CCL26: variants seen among roughly 807,000 people sequenced by gnomAD.
CCL26 encodes the protein C-C motif chemokine 26.
In CCL26, 10 loss-of-function variants were observed where a neutral mutation model predicts 10.7. The observed-to-expected ratio is 0.93, with a 90% CI of 0.57 to 1.58. The LOEUF (loss-of-function observed/expected upper bound fraction) is 1.58. CCL26 is among the 40% of genes most tolerant of loss of function. CCL26 has a pLI of 0.00. For synonymous variants in CCL26, 43 were observed against 41.4 expected (o/e 1.04, Z -0.15); for missense variants, 116 against 111.0 (o/e 1.05, Z -0.20).
Position 75,780,501 on chromosome 7 carries a change from A to G in CCL26, c.-78-8247T>C, listed in dbSNP as rs553159303. On this transcript the variant is annotated intron_variant, in intron 1 of 3. Coordinates refer to the CCL26 transcript ENST00000394905. ...TCTTCTGCAGCACCACTTGACCCCA[A>G]TACAAACTCGACAGTTGTTCCAAAT... 3.9e-5 allele frequency among the ~76,000 whole-genome samples: 6 copies of G among 152,296 alleles called. No homozygotes were observed. In the South Asian group the frequency reaches 1.2e-3, roughly 32 times the overall value.
intron 1 of CCL26, among the ~76,000 whole-genome samples, chr7:75,781,240 T>C (rs1554529421): frequency 6.6e-6 from 1 of 152,224 alleles, no homozygotes; most frequent in African/African-American, 2.4e-5. Flanking sequence ...TTAATTAACC[T>C]TGCCTTCAAG....
At chr7:75,784,430 C>T (rs1415927684) in intron 1 of CCL26, among the ~76,000 whole-genome samples, 1 of 152,226 alleles carries the variant, frequency 6.6e-6, no homozygotes, top group Non-Finnish European at 1.5e-5. Flanking sequence ...TCGGAAGCCT[C>T]CTGGACCATC....
chr7:75,789,140 T>A (rs1803268239), intron 1 of CCL26, among the ~76,000 whole-genome samples: 1 of 146,204 alleles, frequency 6.8e-6, no homozygotes, highest in African/African-American at 2.6e-5. Context: ...CGGGGGGGTC[T>A]CTCTGTGTTG....
upstream of CCL26, among the ~76,000 whole-genome samples, chr7:75,776,211 A>T (rs1802936567): frequency 6.6e-6 from 1 of 151,402 alleles, no homozygotes; most frequent in Admixed American, 6.6e-5. Context: ...AGCTGGGATT[A>T]CAGGCGCACA....
intron 1 of CCL26, among the ~76,000 whole-genome samples, chr7:75,787,335 T>C (rs1554530096): frequency 6.6e-6 from 1 of 152,058 alleles, no homozygotes; most frequent in Non-Finnish European, 1.5e-5. Context: ...TAAAACGGAC[T>C]AATGGTTTTT....
Position 75,771,915 on chromosome 7 carries a change from A to G in CCL26, c.162T>C (p.Ser54=). 6.2e-7 allele frequency: 1 copy of G among 1,613,526 alleles called. No individual in the cohort carries two copies. The highest frequency in any genetic ancestry group is 8.5e-7 in the Non-Finnish European group (1 of 1,179,454). Residue 54 remains serine (S), a synonymous_variant, in exon 2 of 3, where the codon AGT becomes AGC. Transcript: ENST00000005180. ...TCACAGCCCGCTGGGAGCAGCTGTT[A>G]CTGGTGAATTCATAGCTTCGCACCC... is the stretch of plus-strand genomic sequence containing the variant. ...WTWVRSYEFT[S]NSCSQRAVIF...
At chr7:75,788,808 G>A (rs538133367) in intron 1 of CCL26, among the ~76,000 whole-genome samples, 16 of 152,148 alleles carry the variant, frequency 1.1e-4, no homozygotes, top group African/African-American at 3.9e-4. Context: ...CGGTTTCAAG[G>A]GGGCGTTCTG....
At chr7:75,776,662 C>T (rs111431981), upstream of CCL26, among the ~76,000 whole-genome samples, 28 of 151,988 alleles carry the variant, frequency 1.8e-4, no homozygotes, top group African/African-American at 6.0e-4. Flanking sequence ...GAACACTTTA[C>T]GAGAAGGAAA....
intron 1 of CCL26, among the ~76,000 whole-genome samples, chr7:75,789,459 C>CTTTTTTTTTTTTTTTT (rs782166200): frequency 2.9e-5 from 3 of 104,274 alleles, no homozygotes; most frequent in Non-Finnish European, 5.5e-5. Context: ...TTCTCTTTTT[C>CTTTTTTTTTTTTTTTT]TCTTTTTTTT....
rs782547321 is a variant in CCL26, at chr7:75,771,990, T to C, written c.87A>G (p.Ile29Met). 3 of 1,613,662 alleles carry C rather than the reference T, an allele frequency of 1.9e-6. No individual in the cohort carries two copies. The highest frequency in any genetic ancestry group is 1.3e-5 in the African/African-American group (1 of 75,028). ...TGTATTGGAAGCAGCAGGTCTTGGA[T>C]ATGTCACTCCCACCTAAAAATCAGG... ...HLGTATRGSD[I>M]SKTCCFQYSH... is the part of the protein sequence containing the mutation. The change falls in exon 2 of 3, where the codon ATA (isoleucine) becomes ATG (methionine). Residue 29 changes from isoleucine to methionine, a missense_variant. Ile to Met is a conservative substitution (Grantham distance 10). Coordinates refer to ENST00000005180, the MANE Select transcript of CCL26 (RefSeq NM_001371938.1).
chr7:75,776,847 G>A (rs1554528807), upstream of CCL26, among the ~76,000 whole-genome samples: 1 of 152,088 alleles, frequency 6.6e-6, no homozygotes, highest in African/African-American at 2.4e-5. Flanking sequence ...GCTGGGGGTG[G>A]GGTGGAAAAC....
At chr7:75,790,458 C>T (rs1554530688), upstream of CCL26, among the ~76,000 whole-genome samples, 1 of 151,394 alleles carries the variant, frequency 6.6e-6, no homozygotes, top group Non-Finnish European at 1.5e-5. Flanking sequence ...GCTGTGTTGC[C>T]CAGGCTGGTC....
chr7:75,779,265 A>G (rs565946307), intron 1 of CCL26, among the ~76,000 whole-genome samples: 1 of 152,278 alleles, frequency 6.6e-6, no homozygotes, highest in South Asian at 2.1e-4. Context: ...TTTATTGCTC[A>G]CACAAATCCT....
chr7:75,784,892 C>T (rs773872283), intron 1 of CCL26, among the ~76,000 whole-genome samples: 10 of 152,108 alleles, frequency 6.6e-5, no homozygotes, highest in Non-Finnish European at 1.3e-4. Flanking sequence ...CCTAATCACC[C>T]TTACACCGCT....
At chr7:75,789,130 CG>C (rs534707210) in intron 1 of CCL26, among the ~76,000 whole-genome samples, 2 of 124,494 alleles carry the variant, frequency 1.6e-5, no homozygotes, top group East Asian at 2.6e-4. Context: ...ATGTGGCGGG[CG>C]GGGGGGTCTC....
upstream of CCL26, among the ~76,000 whole-genome samples, chr7:75,790,751 C>CT (rs1803313025): frequency 6.6e-6 from 1 of 151,980 alleles, no homozygotes. Flanking sequence ...CAAGACCAAC[C>CT]TGGCCAATGT....
chr7:75,784,351 G>A (rs1803134339), intron 1 of CCL26, among the ~76,000 whole-genome samples: 2 of 152,210 alleles, frequency 1.3e-5, no homozygotes, highest in South Asian at 4.1e-4. Context: ...TCTGGCCCAA[G>A]GCTCTCTGAC....
intron 1 of CCL26, among the ~76,000 whole-genome samples, chr7:75,784,604 C>T (rs1585015270): frequency 6.6e-6 from 1 of 152,116 alleles, no homozygotes; most frequent in Non-Finnish European, 1.5e-5. Flanking sequence ...CTTAAAACTC[C>T]CCAACTCTGG....
At chr7:75,789,406 T>TTC (rs145522312) in intron 1 of CCL26, among the ~76,000 whole-genome samples, 14 of 150,204 alleles carry the variant, frequency 9.3e-5, no homozygotes, top group South Asian at 4.2e-4. Context: ...ATGAGAATAT[T>TTC]TCTCTCTCTC....
Sources: allele counts gnomAD v4.1 joint callset (sites outside exome capture counted in the v4.1 genomes callset), GRCh38; gene constraint gnomAD v4.1.1; transcripts MANE v1.5; gene names NCBI Gene and HGNC (gene_info 2026-07-23, HGNC 2026-07-21).